FGF14: variants seen among roughly 807,000 people sequenced by gnomAD.
FGF14 encodes fibroblast growth factor homologous factor 4.
Under a neutral mutation model 25.5 loss-of-function variants are expected in FGF14, and 5 were observed. The ratio of observed to expected loss-of-function variants is 0.20; its 90% CI spans 0.10 to 0.41. The LOEUF is 0.41. FGF14 is among the 10% of genes least tolerant of loss of function. The pLI, the probability that FGF14 is intolerant of heterozygous loss-of-function variation, is 1.00. For synonymous variants in FGF14, 138 were observed against 118.3 expected (o/e 1.17, Z -1.08); for missense variants, 222 against 320.1 (o/e 0.69, Z 2.34).
intron 1 of FGF14, among the ~76,000 whole-genome samples, chr13:102,389,999 A>G (rs1280256051): frequency 2.0e-5 from 3 of 152,196 alleles, no homozygotes; most frequent in African/African-American, 7.2e-5. Flanking sequence ...CCGGTTTAAA[A>G]AATAAAACAG....
Position 101,714,739 on chromosome 13 carries a change from A to G in FGF14, c.*8092T>C. On this transcript the variant is annotated 3_prime_UTR_variant, in exon 5 of 5. Transcript: ENST00000376143. Reference sequence around the variant, plus strand: ...AGCCTCACATTATTCCTAGGCATAGAAGAATACAAGAGAATGAAGCTAAAT... The same window carrying G: ...AGCCTCACATTATTCCTAGGCATAGGAGAATACAAGAGAATGAAGCTAAAT... The G allele has an allele frequency of 1.7e-6, 1 of 572,174 alleles. No individual in the cohort carries two copies. Among genetic ancestry groups the G allele is most frequent in the South Asian group, 2.3e-5 (1 of 42,800 alleles). 35.4% of individuals were successfully genotyped at this position (572,174 alleles called of 1,614,324 possible).
At chr13:102,118,720 T>A (rs2045584688) in intron 1 of FGF14, among the ~76,000 whole-genome samples, 1 of 152,166 alleles carries the variant, frequency 6.6e-6, no homozygotes, top group Admixed American at 6.5e-5. Context: ...CTTCAAAATA[T>A]CATGTGCATA....
intron 1 of FGF14, among the ~76,000 whole-genome samples, chr13:101,953,548 G>GTA (rs199855884): frequency 0.024 from 3,616 of 148,446 alleles, 118 homozygotes; most frequent in African/African-American, 0.08. Flanking sequence ...TTCTGTATGT[G>GTA]TATATATATA....
intron 1 of FGF14, among the ~76,000 whole-genome samples, chr13:102,200,916 C>A (rs1023585539): frequency 2.6e-5 from 4 of 151,820 alleles, no homozygotes; most frequent in African/African-American, 4.8e-5. Context: ...TCTTGGCTAA[C>A]ATGGTGAAAC....
At chr13:102,016,225 G>A (rs2040336767) in intron 1 of FGF14, among the ~76,000 whole-genome samples, 1 of 151,688 alleles carries the variant, frequency 6.6e-6, no homozygotes, top group African/African-American at 2.4e-5. Context: ...TGTGGTTTAG[G>A]GAAATTACAA....
At chr13:102,347,892 T>C (rs2057158991) in intron 1 of FGF14, among the ~76,000 whole-genome samples, 1 of 152,212 alleles carries the variant, frequency 6.6e-6, no homozygotes, top group African/African-American at 2.4e-5. Flanking sequence ...TAAACAGTGA[T>C]GATCTCCCAG....
At chr13:101,738,065 A>G (rs1426785572) in intron 3 of FGF14, among the ~76,000 whole-genome samples, 1 of 152,114 alleles carries the variant, frequency 6.6e-6, no homozygotes, top group Non-Finnish European at 1.5e-5. Flanking sequence ...GAGCTTTTTG[A>G]TTTTCAAAGA....
intron 1 of FGF14, among the ~76,000 whole-genome samples, chr13:102,221,178 A>G (rs1566831487): frequency 6.6e-6 from 1 of 152,190 alleles, no homozygotes; most frequent in East Asian, 1.9e-4. Context: ...ATATTTACAA[A>G]CATATCTATG....
intron 1 of FGF14, among the ~76,000 whole-genome samples, chr13:102,189,031 A>G (rs1301416285): frequency 1.3e-5 from 1 of 76,198 alleles, no homozygotes; most frequent in Non-Finnish European, 2.9e-5. Flanking sequence ...AGAAGAAAAG[A>G]AAGAAAGAAA....
At chr13:102,161,651 A>G (rs868298165) in intron 1 of FGF14, among the ~76,000 whole-genome samples, 288 of 13,670 alleles carry the variant, frequency 0.021, 12 homozygotes, top group South Asian at 0.065. Flanking sequence ...AAGAAGAAGA[A>G]GAAGAAGAAG....
At chr13:102,270,114 G>T (rs1418126736) in intron 1 of FGF14, among the ~76,000 whole-genome samples, 4 of 151,880 alleles carry the variant, frequency 2.6e-5, no homozygotes, top group Non-Finnish European at 5.9e-5. Flanking sequence ...AAAATTTTAA[G>T]TAAAATGATG....
At chr13:102,345,375 C>T (rs2057075031) in intron 1 of FGF14, among the ~76,000 whole-genome samples, 1 of 152,220 alleles carries the variant, frequency 6.6e-6, no homozygotes, top group Admixed American at 6.5e-5. Context: ...AAACATGGCA[C>T]TACTTTGGCA....
intron 1 of FGF14, among the ~76,000 whole-genome samples, chr13:102,250,659 T>G (rs1264286919): frequency 1.3e-5 from 2 of 152,214 alleles, no homozygotes; most frequent in Non-Finnish European, 2.9e-5. Flanking sequence ...GTTCACTTTG[T>G]TAACCCTGGT....
chr13:102,319,023 G>T (rs964825632), intron 1 of FGF14, among the ~76,000 whole-genome samples: 3 of 152,176 alleles, frequency 2.0e-5, no homozygotes, highest in African/African-American at 7.2e-5. Flanking sequence ...GAGAGAAGCC[G>T]TTGCTGCGAG....
chr13:101,954,313 C>T (rs575169404), intron 1 of FGF14, among the ~76,000 whole-genome samples: 12 of 37,002 alleles, frequency 3.2e-4, no homozygotes, highest in Middle Eastern at 0.014. Flanking sequence ...AGGCACTGGG[C>T]GGGGTGGGGG....
At chr13:102,062,739 G>A (rs1244463222) in intron 1 of FGF14, among the ~76,000 whole-genome samples, 2 of 152,084 alleles carry the variant, frequency 1.3e-5, no homozygotes, top group Non-Finnish European at 2.9e-5. Flanking sequence ...CTGTTCCATA[G>A]CCAGGCTATT....
chr13:101,927,428 C>A (rs1447124986), intron 1 of FGF14, among the ~76,000 whole-genome samples: 1 of 152,182 alleles, frequency 6.6e-6, no homozygotes, highest in Non-Finnish European at 1.5e-5. Flanking sequence ...GTGTTCATTT[C>A]TCCATGAAAT....
intron 1 of FGF14, among the ~76,000 whole-genome samples, chr13:102,012,705 T>C (rs188503891): frequency 2.8e-4 from 43 of 152,220 alleles, no homozygotes; most frequent in East Asian, 1.2e-3. Flanking sequence ...TGTGACAAAA[T>C]GAAGATGGTA....
chr13:101,735,934 C>A (rs563653047), intron 3 of FGF14, among the ~76,000 whole-genome samples: 1 of 152,244 alleles, frequency 6.6e-6, no homozygotes, highest in South Asian at 2.1e-4. Context: ...GTAACAAAAT[C>A]AAGAGAAAGT....
Sources: allele counts gnomAD v4.1 joint callset (sites outside exome capture counted in the v4.1 genomes callset), GRCh38; gene constraint gnomAD v4.1.1; transcripts MANE v1.5; gene names NCBI Gene and HGNC (gene_info 2026-07-23, HGNC 2026-07-21).